The following RANBP17 variants were observed in gnomAD, a reference collection of about 807,000 sequenced individuals.
The protein encoded by RANBP17 is RAN binding protein 17.
RANBP17 carries 158 observed loss-of-function variants against 141.2 expected under a neutral mutation model. That is an observed-to-expected ratio of 1.12 (90% CI 0.98 to 1.28). RANBP17 has a LOEUF of 1.28. RANBP17 is among the 50% of genes most tolerant of loss of function. The pLI is 0.00. For missense variants in RANBP17, 1,438 were observed against 1,290.7 expected, an observed-to-expected ratio of 1.11 and a Z score of -1.75; for synonymous variants, 430 against 450.0, an observed-to-expected ratio of 0.96 and a Z score of 0.56.
intron 4 of RANBP17, among the ~76,000 whole-genome samples, chr5:170,893,194 T>C (rs975806666): frequency 1.3e-5 from 2 of 151,658 alleles, no homozygotes; most frequent in African/African-American, 4.8e-5. Flanking sequence ...AATAAAGTCA[T>C]AGTATATGCA....
chr5:171,131,364 A>G (rs2127789904), intron 14 of RANBP17, among the ~76,000 whole-genome samples: 1 of 152,276 alleles, frequency 6.6e-6, no homozygotes, highest in South Asian at 2.1e-4. Context: ...ATTCCTGTAG[A>G]TGGAATAATG....
chr5:171,047,398 T>C (rs1326071850), intron 14 of RANBP17, among the ~76,000 whole-genome samples: 1 of 151,774 alleles, frequency 6.6e-6, no homozygotes, highest in African/African-American at 2.4e-5. Context: ...ATATCCTCTT[T>C]GGAAAAGTAT....
At chr5:171,150,073 T>C (rs1340242168) in intron 14 of RANBP17, among the ~76,000 whole-genome samples, 2 of 152,188 alleles carry the variant, frequency 1.3e-5, no homozygotes, top group African/African-American at 4.8e-5. Context: ...ATTCAGATTG[T>C]CTGAACCATC....
chr5:170,990,623 G>T (rs965539115), intron 14 of RANBP17, among the ~76,000 whole-genome samples: 1 of 151,914 alleles, frequency 6.6e-6, no homozygotes, highest in Non-Finnish European at 1.5e-5. Context: ...AAGTAAAGGC[G>T]CTTCACACTG....
chr5:171,156,611 G>A (rs1409749523), intron 14 of RANBP17, among the ~76,000 whole-genome samples: 1 of 152,092 alleles, frequency 6.6e-6, no homozygotes, highest in Non-Finnish European at 1.5e-5. Context: ...GATGTACCAT[G>A]TAAATGTAAA....
intron 3 of RANBP17, among the ~76,000 whole-genome samples, chr5:170,884,766 A>G (rs1274978232): frequency 6.6e-6 from 1 of 152,080 alleles, no homozygotes. Context: ...AGAAAGGTCC[A>G]TGTCCTGAAA....
intron 13 of RANBP17, among the ~76,000 whole-genome samples, chr5:170,965,409 C>G (rs1776481982): frequency 6.6e-6 from 1 of 151,974 alleles, no homozygotes; most frequent in Non-Finnish European, 1.5e-5. Flanking sequence ...TTAATTAGAT[C>G]CCATTTGTCA....
chr5:171,094,977 C>G (rs1786573660), intron 14 of RANBP17, among the ~76,000 whole-genome samples: 1 of 152,060 alleles, frequency 6.6e-6, no homozygotes, highest in African/African-American at 2.4e-5. Flanking sequence ...AAGTCCAATC[C>G]CTGGTGCCTC....
chr5:170,997,016 G>C (rs1778860793), intron 14 of RANBP17, among the ~76,000 whole-genome samples: 1 of 152,168 alleles, frequency 6.6e-6, no homozygotes, highest in Non-Finnish European at 1.5e-5. Context: ...TGTCAAAAGA[G>C]AGACCAGATG....
intron 13 of RANBP17, among the ~76,000 whole-genome samples, chr5:170,956,688 G>C (rs138907050): frequency 0.017 from 2,641 of 151,808 alleles, 68 homozygotes; most frequent in African/African-American, 0.06. Context: ...GACCTCGGGT[G>C]ATCTGCCTGC....
chr5:171,205,467 T>C (rs1404638199), intron 19 of RANBP17, 57 bp from the exon 20 acceptor site: 2 of 1,375,602 alleles, frequency 1.5e-6, no homozygotes, highest in Non-Finnish European at 2.1e-6. Flanking sequence ...TGATTATTAC[T>C]CCATCTGCTC....
chr5:171,107,857 G>T (rs898157865), intron 14 of RANBP17, among the ~76,000 whole-genome samples: 5 of 152,324 alleles, frequency 3.3e-5, no homozygotes, highest in Middle Eastern at 3.4e-3. Flanking sequence ...ATGCGTGCTT[G>T]CTGCATTGAT....
intron 14 of RANBP17, among the ~76,000 whole-genome samples, chr5:171,089,349 C>G (rs2127724682): frequency 6.8e-6 from 1 of 146,490 alleles, no homozygotes; most frequent in East Asian, 2.1e-4. Flanking sequence ...GGGAGAACCA[C>G]TGCTCTCTTC....
chr5:171,044,968 T>C (rs187917205), intron 14 of RANBP17, among the ~76,000 whole-genome samples: 45 of 137,414 alleles, frequency 3.3e-4, no homozygotes, highest in African/African-American at 1.1e-3. Flanking sequence ...AATAATAACA[T>C]GTGAATTCAT....
In RANBP17 at chr5:170,995,973, CTAT is replaced by C. The variant is rs1359558777; in HGVS notation, c.1710+27597_1710+27599del. 3.3e-5 allele frequency among the ~76,000 whole-genome samples: 5 copies of C among 151,974 alleles called. No individual in the cohort carries two copies. The East Asian group carries it at 9.7e-4, about 29-fold the overall frequency. On this transcript the variant is annotated intron_variant, in intron 14 of 27. Transcript: ENST00000523189. The stretch of plus-strand genomic sequence containing the variant: ...GCCAGGATTTTCAGGCTGCAGTGTG[CTAT>C]GATCACACCTGAGAATAGCCACTGC...
intron 14 of RANBP17, among the ~76,000 whole-genome samples, chr5:171,064,411 G>A (rs1205513181): frequency 6.6e-6 from 1 of 152,124 alleles, no homozygotes; most frequent in East Asian, 1.9e-4. Context: ...TCTTTTATAT[G>A]AATGAAATTA....
At chr5:171,123,903 A>G (rs1021296620) in intron 14 of RANBP17, among the ~76,000 whole-genome samples, 1 of 152,232 alleles carries the variant, frequency 6.6e-6, no homozygotes, top group African/African-American at 2.4e-5. Context: ...AAGGTAGTCT[A>G]TATAATTAAA....
chr5:171,153,156 G>A (rs374235771), intron 14 of RANBP17, among the ~76,000 whole-genome samples: 2 of 152,306 alleles, frequency 1.3e-5, no homozygotes, highest in South Asian at 2.1e-4. Context: ...ATTGATTAGA[G>A]TGAGATGGTC....
chr5:171,194,961 GT>G (rs1213752618), intron 18 of RANBP17, among the ~76,000 whole-genome samples: 1 of 152,138 alleles, frequency 6.6e-6, no homozygotes, highest in Non-Finnish European at 1.5e-5. Context: ...GAAAAAAAAT[GT>G]TTAGAACTTA....
Sources: allele counts gnomAD v4.1 joint callset (sites outside exome capture counted in the v4.1 genomes callset), GRCh38; gene constraint gnomAD v4.1.1; transcripts MANE v1.5; gene names NCBI Gene and HGNC (gene_info 2026-07-23, HGNC 2026-07-21).